The following KANSL1L variants were observed in gnomAD, a reference collection of about 807,000 sequenced individuals.
KANSL1L encodes KAT8 regulatory NSL complex subunit 1 like.
KANSL1L carries 25 observed loss-of-function variants against 108.6 expected under a neutral mutation model. That is an observed-to-expected ratio of 0.23 (90% CI 0.17 to 0.32). The LOEUF is 0.32. KANSL1L is among the 10% of genes least tolerant of loss of function. The pLI, the probability that KANSL1L is intolerant of heterozygous loss-of-function variation, is 1.00. For missense variants in KANSL1L, 1,137 were observed against 1,125.7 expected (o/e 1.01, Z -0.14); for synonymous variants, 405 against 395.1 (o/e 1.03, Z -0.30).
chr2:210,090,690 C>T (rs976989237), intron 5 of KANSL1L, among the ~76,000 whole-genome samples: 1 of 151,990 alleles, frequency 6.6e-6, no homozygotes, highest in South Asian at 2.1e-4. Context: ...TACCACCATG[C>T]CCAGCTAATT....
In KANSL1L at chr2:210,029,018, A is replaced by G. The variant is rs1378926694; in HGVS notation, c.2272-49T>C. The G allele has an allele frequency of 2.1e-6, 3 of 1,449,738 alleles. No individual in the cohort carries two copies. In the African/African-American group the frequency reaches 4.4e-5, roughly 21 times the overall value. The allele number at this position is 1,449,738 out of a possible 1,614,324, so 89.8% of individuals were successfully genotyped here. On this transcript the variant is annotated intron_variant, in intron 10 of 14. Coordinates refer to ENST00000281772, the MANE Select transcript of KANSL1L (RefSeq NM_152519.4). ...TTTACAGTACTGTCTAGTTACTTGT[A>G]ATGATACCCTCCTTTCATCAGTTAT...
chr2:210,105,665 CAT>C (rs1204965276), intron 3 of KANSL1L, among the ~76,000 whole-genome samples: 1 of 151,560 alleles, frequency 6.6e-6, no homozygotes, highest in East Asian at 1.9e-4. Context: ...TTAGAATGCA[CAT>C]ATTCAGTTAT....
chr2:210,071,231 T>C (rs1057266864), intron 6 of KANSL1L, among the ~76,000 whole-genome samples: 7 of 152,070 alleles, frequency 4.6e-5, no homozygotes, highest in Non-Finnish European at 8.8e-5. Context: ...CCTGTATGCA[T>C]GCATCTGTGT....
intron 6 of KANSL1L, among the ~76,000 whole-genome samples, chr2:210,045,833 C>T (rs2094217319): frequency 6.6e-6 from 1 of 152,142 alleles, no homozygotes; most frequent in South Asian, 2.1e-4. Flanking sequence ...CACTTGAAAG[C>T]AATGTGCCTT....
intron 3 of KANSL1L, 103 bp downstream of exon 3, chr2:210,128,928 C>T (rs931896932): frequency 1.2e-5 from 12 of 972,808 alleles, no homozygotes; most frequent in Non-Finnish European, 1.6e-5. Flanking sequence ...AAACTGGCTA[C>T]ATTTTTATAA....
intron 7 of KANSL1L, among the ~76,000 whole-genome samples, chr2:210,041,108 A>C (rs1327517261): frequency 1.3e-5 from 2 of 152,176 alleles, no homozygotes; most frequent in Admixed American, 1.3e-4. Context: ...ATTAAAACCT[A>C]TTGACAAGCT....
rs191651825 is a variant in KANSL1L at position 210,138,643 on chromosome 2, T to C, written c.1089-9471A>G. ...AAATGACAAAAATATTACATATTTA[T>C]GGTGTACATATTTATATATTAACAC... On this transcript the variant is annotated intron_variant, in intron 2 of 14. Coordinates refer to ENST00000281772, the MANE Select transcript of KANSL1L (RefSeq NM_152519.4). Among the ~76,000 whole-genome samples, 4 of 152,358 alleles carry C rather than the reference T, an allele frequency of 2.6e-5. No individual in the cohort carries two copies. The East Asian group carries it at 7.7e-4, about 29-fold the overall frequency.
chr2:210,040,858 C>T (rs2094156625), intron 7 of KANSL1L, among the ~76,000 whole-genome samples: 1 of 152,054 alleles, frequency 6.6e-6, no homozygotes, highest in Non-Finnish European at 1.5e-5. Flanking sequence ...TGAATGGAAA[C>T]AAATATACCC....
chr2:210,024,266 A>C, intron 13 of KANSL1L, 65 bp from the exon 14 acceptor site: 1 of 1,289,298 alleles, frequency 7.8e-7, no homozygotes, highest in Admixed American at 2.6e-5. Flanking sequence ...ATTTATGAAC[A>C]ACCCAAGGTA....
intron 4 of KANSL1L, 192 bp downstream of exon 4, chr2:210,103,900 ATTATATTTAAAT>A: frequency 3.2e-6 from 1 of 309,984 alleles, no homozygotes; most frequent in Non-Finnish European, 5.8e-6. Flanking sequence ...TACTTTACAT[ATTATATTTAAAT>A]AATTTAAATT....
chr2:210,094,319 T>C (rs1198300224), intron 5 of KANSL1L, among the ~76,000 whole-genome samples: 1 of 152,160 alleles, frequency 6.6e-6, no homozygotes, highest in Non-Finnish European at 1.5e-5. Context: ...AGTATTTATA[T>C]GCTTAACAAG....
At chr2:210,118,615 G>A (rs1349305494) in intron 3 of KANSL1L, among the ~76,000 whole-genome samples, 1 of 152,074 alleles carries the variant, frequency 6.6e-6, no homozygotes, top group Non-Finnish European at 1.5e-5. Flanking sequence ...GGAAGGCCAG[G>A]GCAGGCAGAC....
chr2:210,153,065 G>T (rs1380117029), intron 2 of KANSL1L: 1 of 154,962 alleles, frequency 6.5e-6, no homozygotes, highest in Non-Finnish European at 1.4e-5. Context: ...TAACATAAAA[G>T]ATTATGGTGG....
At position 210,153,734 on chromosome 2, in the gene KANSL1L, A is replaced by G. The variant is rs1319741350; in HGVS notation, c.849T>C (p.Gly283=). ...KTFHEPTTIL[G]NSLPKCTEIK... is the part of the protein sequence containing the mutation. ...TTTCAGTGCATTTAGGTAAACTATT[A>G]CCCAAAATTGTGGTAGGTTCATGAA... Residue 283 remains glycine, a synonymous_variant, in exon 2 of 15, where the codon GGT becomes GGC. Transcript: ENST00000281772. The G allele has an allele frequency of 1.9e-5, 31 of 1,605,664 alleles. No individual in the cohort carries two copies. The highest frequency in any genetic ancestry group is 2.5e-5 in the Non-Finnish European group (30 of 1,177,144).
At chr2:210,078,601 T>C (rs2094558407) in intron 5 of KANSL1L, among the ~76,000 whole-genome samples, 1 of 152,230 alleles carries the variant, frequency 6.6e-6, no homozygotes, top group Non-Finnish European at 1.5e-5. Flanking sequence ...CAAAATCATT[T>C]CCATAAATAA....
chr2:210,026,210 A>G, intron 12 of KANSL1L, among the ~76,000 whole-genome samples: 1 of 152,216 alleles, frequency 6.6e-6, no homozygotes, highest in East Asian at 1.9e-4. Flanking sequence ...TTAGTAGTTG[A>G]AAAACATGAC....
chr2:210,043,758 A>T (rs1193620939), intron 7 of KANSL1L, 181 bp downstream of exon 7: 4 of 421,534 alleles, frequency 9.5e-6, no homozygotes, highest in Non-Finnish European at 1.7e-5. Context: ...ATAGAACATT[A>T]ACCGTGCATG....
At chr2:210,073,941 A>G (rs2094525089) in intron 6 of KANSL1L, among the ~76,000 whole-genome samples, 1 of 152,186 alleles carries the variant, frequency 6.6e-6, no homozygotes, top group Non-Finnish European at 1.5e-5. Context: ...TCTGGAAATA[A>G]AAAGATACAG....
At chr2:210,137,976 A>G (rs2095189898) in intron 2 of KANSL1L, among the ~76,000 whole-genome samples, 1 of 152,144 alleles carries the variant, frequency 6.6e-6, no homozygotes, top group Non-Finnish European at 1.5e-5. Context: ...GGCTGCAATG[A>G]GCCATCATTG....
Sources: allele counts gnomAD v4.1 joint callset (sites outside exome capture counted in the v4.1 genomes callset), GRCh38; gene constraint gnomAD v4.1.1; transcripts MANE v1.5; gene names NCBI Gene and HGNC (gene_info 2026-07-23, HGNC 2026-07-21).